Variants in SLC35B3 observed in about 807,000 individuals in gnomAD.
SLC35B3 encodes the protein solute carrier family 35 member B3.
Under a neutral mutation model 44.1 loss-of-function variants are expected in SLC35B3, and 35 were observed. That is an observed-to-expected ratio of 0.79 (90% CI 0.61 to 1.05). The LOEUF (loss-of-function observed/expected upper bound fraction) is 1.05, where lower values mean the gene tolerates loss of function less well. SLC35B3 is among the 50% of genes least tolerant of loss of function. The pLI is 0.00. For missense variants in SLC35B3, 414 were observed against 476.4 expected, an observed-to-expected ratio of 0.87 and a Z score of 1.22; for synonymous variants, 146 against 167.3, an observed-to-expected ratio of 0.87 and a Z score of 0.98.
chr6:8,429,473 C>G (rs1763751047), intron 3 of SLC35B3, among the ~76,000 whole-genome samples: 1 of 152,172 alleles, frequency 6.6e-6, no homozygotes, highest in Non-Finnish European at 1.5e-5. Context: ...CATAAAATAT[C>G]CTGATACATT....
rs1762807520 is a variant in SLC35B3 at position 8,420,634 on chromosome 6, A to G, written c.682+87T>C. On this transcript the variant is annotated intron_variant, in intron 6 of 10. Transcript: ENST00000644923. The surrounding 1 kb of genome is among the most constrained non-coding windows in gnomAD (Gnocchi z 4.4). ...ATATGAAAATTGCAGCTGTCACACT[A>G]TCATTTAAAATGCTTACAAAATATT... 2.1e-6 allele frequency: 2 copies of G among 956,268 alleles called. No individual in the cohort carries two copies. The highest frequency in any genetic ancestry group is 1.6e-5 in the African/African-American group (1 of 60,626). The allele number at this position is 956,268 out of a possible 1,614,324, so 59.2% of individuals were successfully genotyped here.
rs955590946 is a variant in SLC35B3, at chr6:8,420,758, G to A, written c.645C>T (p.Leu215=). 14 of 1,613,228 alleles carry A rather than the reference G, an allele frequency of 8.7e-6. No homozygotes were observed. The highest frequency in any genetic ancestry group is 5.3e-5 in the African/African-American group (4 of 74,906). The change falls in exon 6 of 11, where the codon CTC becomes CTT. Residue 215 remains leucine (L), a synonymous_variant. Transcript: ENST00000644923. The surrounding 1 kb of genome is among the most constrained non-coding windows in gnomAD (Gnocchi z 4.4). ...AATTTGGTGCAGTTGTGCTGTCAGC[G>A]AGGGTAAACCATATCAGGCCAAGGC...
At position 8,435,242 on chromosome 6, in the gene SLC35B3, G is replaced by C; in HGVS notation, c.-44+101C>G. Reference sequence around the variant, plus strand: ...TCCATCCCGACCTCATCCATTCCTCGAACGCTCCTTCTGGATGAGGAAGAT... The same window carrying C: ...TCCATCCCGACCTCATCCATTCCTCCAACGCTCCTTCTGGATGAGGAAGAT... On this transcript the variant is annotated intron_variant, in intron 1 of 10. Coordinates refer to ENST00000644923, the MANE Select transcript of SLC35B3 (RefSeq NM_001370476.2). The surrounding 1 kb of genome is among the most constrained non-coding windows in gnomAD (Gnocchi z 5.5). The C allele has an allele frequency of 7.8e-7, 1 of 1,289,236 alleles. No homozygotes were observed. The highest frequency in any genetic ancestry group is 1.0e-6 in the Non-Finnish European group (1 of 988,850). 79.9% of individuals were successfully genotyped at this position (1,289,236 alleles called of 1,614,324 possible).
rs372338022 is a variant in SLC35B3, at chr6:8,435,445, T to TTCCTCCTCC, written c.-155_-147dup. ...CCTGGTCCGTCGCCATCACCTCCTC[T>TTCCTCCTCC]TCCTCCTCCTCCTCGCCCACTCCTG... On this transcript the variant is annotated 5_prime_UTR_variant, in exon 1 of 11. Coordinates refer to ENST00000644923, the MANE Select transcript of SLC35B3 (RefSeq NM_001370476.2). This position sits in a 1 kb window ranked among gnomAD's most constrained non-coding sequence, Gnocchi z 5.5. 2.1e-4 allele frequency: 255 copies of TTCCTCCTCC among 1,215,468 alleles called. No individual in the cohort carries two copies. The African/African-American group carries it at 3.5e-3, about 17-fold the overall frequency. The allele number at this position is 1,215,468 out of a possible 1,614,324, so 75.3% of individuals were successfully genotyped here. A position where few individuals can be genotyped will look rare whatever the true frequency, so the allele number is the denominator to read the frequency against.
rs1488655608 is a variant in SLC35B3, at chr6:8,413,714, T to A, written c.1056-15A>T. 2.1e-6 allele frequency: 3 copies of A among 1,446,420 alleles called. No individual in the cohort carries two copies. Among genetic ancestry groups the A allele is most frequent in the South Asian group, 1.3e-5 (1 of 75,196 alleles). 89.6% of individuals were successfully genotyped at this position (1,446,420 alleles called of 1,614,324 possible). On this transcript the variant is annotated splice_polypyrimidine_tract_variant and intron_variant, in intron 10 of 10. Transcript: ENST00000644923. ...ACCATACATACCTAAGAGAAAGAAA[T>A]AAGGAAAAAAAATTAAAATTAGCAA...
intron 4 of SLC35B3, 91 bp downstream of exon 3, chr6:8,427,846 G>C (rs891213777): frequency 2.2e-5 from 25 of 1,129,884 alleles, no homozygotes; most frequent in Middle Eastern, 2.1e-4. Flanking sequence ...CACATGTTTT[G>C]TTAATAGAAG....
rs1755419966 is a variant in SLC35B3 at position 8,435,503 on chromosome 6, A to T, written c.-204T>A. ...CACCGCGGCGGTCGCCTCCCCGGAA[A>T]GCACTCTCAACTCCGGCGCCCGCAG... On this transcript the variant is annotated 5_prime_UTR_variant, in exon 1 of 11. Coordinates refer to ENST00000644923, the MANE Select transcript of SLC35B3 (RefSeq NM_001370476.2). This position sits in a 1 kb window ranked among gnomAD's most constrained non-coding sequence, Gnocchi z 5.5. The T allele has an allele frequency of 3.8e-6, 3 of 781,766 alleles. No homozygotes were observed. Among genetic ancestry groups the T allele is most frequent in the Non-Finnish European group, 5.4e-6 (3 of 551,962 alleles). The allele number at this position is 781,766 out of a possible 1,614,324, so 48.4% of individuals were successfully genotyped here. A position where few individuals can be genotyped will look rare whatever the true frequency, so the allele number is the denominator to read the frequency against.
rs1764140427 is a variant in SLC35B3 at position 8,433,049 on chromosome 6, G to T, written c.3+1336C>A. 6.6e-6 allele frequency among the ~76,000 whole-genome samples: 1 copy of T among 152,008 alleles called. No homozygotes were observed. Among genetic ancestry groups the T allele is most frequent in the Admixed American group, 6.6e-5 (1 of 15,260 alleles). The stretch of plus-strand genomic sequence containing the variant: ...GTATGAAACACAAGCTAAAAATCTG[G>T]GAGTCATCTTAAGAATCTTTCCTTT... On this transcript the variant is annotated intron_variant, in intron 2 of 10. Coordinates refer to ENST00000644923, the MANE Select transcript of SLC35B3 (RefSeq NM_001370476.2). The surrounding 1 kb of genome is among the most constrained non-coding windows in gnomAD (Gnocchi z 4.1).
chr6:8,422,418 C>CAT (rs1488922207), intron 5 of SLC35B3, 52 bp downstream of exon 4: 1 of 1,339,976 alleles, frequency 7.5e-7, no homozygotes, highest in Non-Finnish European at 1.1e-6. Flanking sequence ...TGCTAGATGC[C>CAT]ATAACATAGC....
At chr6:8,429,714 G>T in intron 3 of SLC35B3, 150 bp downstream of exon 2, 1 of 415,856 alleles carries the variant, frequency 2.4e-6, no homozygotes, top group Non-Finnish European at 3.9e-6. Flanking sequence ...GATCTGTTAA[G>T]AAGCTCTTTT....
intron 7 of SLC35B3, 49 bp from the exon 7 acceptor site, chr6:8,417,543 T>A: frequency 1.8e-6 from 2 of 1,125,558 alleles, no homozygotes; most frequent in Non-Finnish European, 1.3e-6. Flanking sequence ...AAACTGAAAA[T>A]GGAAGATTAA....
intron 7 of SLC35B3, among the ~76,000 whole-genome samples, 170 bp from the exon 7 acceptor site, chr6:8,417,664 T>TA (rs1762540755): frequency 1.3e-5 from 2 of 152,126 alleles, no homozygotes; most frequent in African/African-American, 4.8e-5. Context: ...TCTAATGTTT[T>TA]ATAAGTCTAT....
intron 2 of SLC35B3, among the ~76,000 whole-genome samples, chr6:8,430,400 C>G (rs1763855219): frequency 6.8e-6 from 1 of 147,200 alleles, no homozygotes; most frequent in Non-Finnish European, 1.5e-5. Flanking sequence ...CTTATTTCCA[C>G]AGCAACAAAA....
chr6:8,431,813 G>A (rs966216793), intron 2 of SLC35B3, among the ~76,000 whole-genome samples: 3 of 152,248 alleles, frequency 2.0e-5, no homozygotes, highest in South Asian at 4.2e-4. Flanking sequence ...TGTGAGCATG[G>A]ATATAGTGCA....
Position 8,435,409 on chromosome 6 carries a change from T to C in SLC35B3, c.-110A>G. ...CGTGGCGTCTGAGCTAGACGGAGCA[T>C]CTCCCCCTCCCCTGGTCCGTCGCCA... is the stretch of plus-strand genomic sequence containing the variant. On this transcript the variant is annotated 5_prime_UTR_variant, in exon 1 of 11. It removes an upstream start codon present in the reference 5' UTR. Coordinates refer to ENST00000644923, the MANE Select transcript of SLC35B3 (RefSeq NM_001370476.2). The surrounding 1 kb of genome is among the most constrained non-coding windows in gnomAD (Gnocchi z 5.5). The C allele has an allele frequency of 7.8e-7, 1 of 1,286,934 alleles. No homozygotes were observed. The highest frequency in any genetic ancestry group is 1.0e-6 in the Non-Finnish European group (1 of 987,858). 79.7% of individuals were successfully genotyped at this position (1,286,934 alleles called of 1,614,324 possible).
chr6:8,430,392 T>A (rs1763854514), intron 2 of SLC35B3, among the ~76,000 whole-genome samples: 2 of 150,474 alleles, frequency 1.3e-5, no homozygotes, highest in Non-Finnish European at 2.9e-5. Flanking sequence ...AAACCATACT[T>A]ATTTCCACAG....
In SLC35B3 at chr6:8,431,750, C is replaced by T. The variant is rs115915757; in HGVS notation, c.4-1593G>A. Reference sequence around the variant, plus strand: ...ATCTCTCCTAAATATTTGGTCAAACCTGTGCTTGAATGTAGAAGAGACGAA... The same window carrying T: ...ATCTCTCCTAAATATTTGGTCAAACTTGTGCTTGAATGTAGAAGAGACGAA... On this transcript the variant is annotated intron_variant, in intron 2 of 10. Transcript: ENST00000644923. Among the ~76,000 whole-genome samples, 439 of 152,216 alleles carry T rather than the reference C, an allele frequency of 2.9e-3. 2 individuals carry two copies. Among genetic ancestry groups the T allele is most frequent in the African/African-American group, 0.01 (418 of 41,538 alleles).
rs1762109744 is a variant in SLC35B3 at position 8,413,063 on chromosome 6, A to G, written c.*486T>C. 6.6e-6 allele frequency: 1 copy of G among 152,368 alleles called. No individual in the cohort carries two copies. The highest frequency in any genetic ancestry group is 6.5e-5 in the Admixed American group (1 of 15,276). The allele number at this position is 152,368 out of a possible 1,614,324, so 9.4% of individuals were successfully genotyped here. On this transcript the variant is annotated 3_prime_UTR_variant, in exon 11 of 11. Transcript: ENST00000644923. ...CTCTTTATAACAAAATTCTATTAACACATCTTGAAAAAAGATCACAGAATA... is the reference window on the plus strand; with the variant it reads ...CTCTTTATAACAAAATTCTATTAACGCATCTTGAAAAAAGATCACAGAATA...
chr6:8,423,404 G>A (rs932239701), intron 4 of SLC35B3, among the ~76,000 whole-genome samples: 1 of 122,060 alleles, frequency 8.2e-6, no homozygotes, highest in Non-Finnish European at 1.6e-5. Context: ...CTTTTAAGAT[G>A]AGGTATCTGA....
Sources: gnomAD v4.1 joint callset for allele counts (sites outside exome capture counted in the v4.1 genomes callset) on GRCh38, gnomAD v4.1.1 for gene constraint, Gnocchi (gnomAD v3.1) non-coding constraint, MANE v1.5 for transcripts, NCBI Gene and HGNC (gene_info 2026-07-23, HGNC 2026-07-21) for gene names.